ADGRD2: variants seen among roughly 807,000 people sequenced by gnomAD.
ADGRD2 encodes the protein adhesion G protein-coupled receptor D2.
ADGRD2 carries 71 observed loss-of-function variants against 44.4 expected under a neutral mutation model. The ratio of observed to expected loss-of-function variants is 1.60; its 90% CI spans 1.32 to 1.95. The LOEUF (loss-of-function observed/expected upper bound fraction) is 1.95, where lower values mean the gene tolerates loss of function less well. ADGRD2 is among the 30% of genes most tolerant of loss of function. ADGRD2 has a pLI of 0.00. For synonymous variants in ADGRD2, 481 were observed against 224.8 expected, an observed-to-expected ratio of 2.14 and a Z score of -10.19; for missense variants, 1,039 against 512.4, an observed-to-expected ratio of 2.03 and a Z score of -9.92.
intron 9 of ADGRD2, 144 bp from the exon 13 acceptor site, chr9:124,458,471 CA>C (rs1170738892): frequency 1.6e-6 from 1 of 626,686 alleles, no homozygotes; most frequent in Non-Finnish European, 2.9e-6. Flanking sequence ...GTCCCTAAGG[CA>C]AGACTGAACC....
At chr9:124,470,638 G>T in intron 17 of ADGRD2, 24 bp downstream of exon 20, 1 of 697,102 alleles carries the variant, frequency 1.4e-6, no homozygotes, top group South Asian at 1.5e-5. Flanking sequence ...CAACCTTCTG[G>T]GACTAGGCCC....
rs576598409 is a variant in ADGRD2, at chr9:124,477,071, C to T, written c.*18+362C>T. The stretch of plus-strand genomic sequence containing the variant: ...CTTTCTGCCCCCTAAGCCCAGCACC[C>T]CCCGTCACCCTCTGAAGGCCCCGGC... On this transcript the variant is annotated intron_variant, in intron 21 of 21. Transcript: ENST00000334810. The T allele has an allele frequency of 1.5e-5, 8 of 536,866 alleles. 1 individual carries two copies. Among genetic ancestry groups the T allele is most frequent in the African/African-American group, 7.6e-5 (4 of 52,700 alleles). The allele number at this position is 536,866 out of a possible 1,614,324, so 33.3% of individuals were successfully genotyped here.
rs760758381 is a variant in ADGRD2 at position 124,454,955 on chromosome 9, C to T, written c.1223C>T (p.Pro408Leu). 2.5e-5 allele frequency: 18 copies of T among 717,776 alleles called. No homozygotes were observed. Among genetic ancestry groups the T allele is most frequent in the Admixed American group, 4.0e-5 (2 of 50,008 alleles). The allele number at this position is 717,776 out of a possible 1,614,324, so 44.5% of individuals were successfully genotyped here. ...GCGATGGAGATGGCTCCCCTGGGGCCGGCCGCACTGCTGGCTGTTGTCCGC... is the reference window on the plus strand; with the variant it reads ...GCGATGGAGATGGCTCCCCTGGGGCTGGCCGCACTGCTGGCTGTTGTCCGC... Residue 408 changes from proline to leucine, a missense_variant, in exon 6 of 22, where the codon CCG (proline) becomes CTG (leucine). Pro to Leu is a moderately conservative substitution (Grantham distance 98). Transcript: ENST00000334810. This position sits in a 1 kb window ranked among gnomAD's most constrained non-coding sequence, Gnocchi z 4.5.
At chr9:124,456,488 T>C (rs1831619025) in intron 6 of ADGRD2, 134 bp from the exon 10 acceptor site, 1 of 623,856 alleles carries the variant, frequency 1.6e-6, no homozygotes, top group Non-Finnish European at 2.9e-6. Context: ...GATCCTAGAG[T>C]CCTTAAAGAG....
At chr9:124,477,777 G>A (rs1461558786) in intron 21 of ADGRD2, among the ~76,000 whole-genome samples, 1 of 151,374 alleles carries the variant, frequency 6.6e-6, no homozygotes, top group Non-Finnish European at 1.5e-5. Flanking sequence ...CCGCCCAGGC[G>A]CCCCCCGGGG....
intron 9 of ADGRD2, 53 bp from the exon 13 acceptor site, chr9:124,458,563 A>G (rs1831661787): frequency 4.2e-6 from 3 of 706,334 alleles, no homozygotes; most frequent in Non-Finnish European, 8.0e-6. Context: ...TGCCGCAGCC[A>G]GGCACCATCC....
chr9:124,464,814 GTGTGTGTA>G lies in ADGRD2; in HGVS notation c.1871-1438_1871-1431del, dbSNP rs1831785546. ...TCCCACACATGCTGTGTGTGTACGT[GTGTGTGTA>G]TGTGTTTTCACAAGTATGCAGACCT... On this transcript the variant is annotated intron_variant, in intron 10 of 21. Coordinates refer to ENST00000334810, the Ensembl canonical transcript of ADGRD2. 1.2e-4 allele frequency among the ~76,000 whole-genome samples: 18 copies of G among 152,006 alleles called. No homozygotes were observed. In the East Asian group the frequency reaches 3.3e-3, roughly 28 times the overall value.
chr9:124,454,452 CG>C lies in ADGRD2; in HGVS notation c.1023-28del. 1.4e-6 allele frequency: 1 copy of C among 698,376 alleles called. No individual in the cohort carries two copies. Among genetic ancestry groups the C allele is most frequent in the Non-Finnish European group, 2.7e-6 (1 of 369,752 alleles). The allele number at this position is 698,376 out of a possible 1,614,324, so 43.3% of individuals were successfully genotyped here. A position where few individuals can be genotyped will look rare whatever the true frequency, so the allele number is the denominator to read the frequency against. ...GGCATCTCTGGGCAGGGGTATTGCC[CG>C]GGGCCTAGCCTGGCATCCACTCCTT... On this transcript the variant is annotated intron_variant, in intron 4 of 21. Transcript: ENST00000334810. This position sits in a 1 kb window ranked among gnomAD's most constrained non-coding sequence, Gnocchi z 4.5.
At position 124,453,398 on chromosome 9, in the gene ADGRD2, C is replaced by CT. The variant is rs1347446719; in HGVS notation, c.645_646insT (p.Arg217AlafsTer108). ...TCCGATGGGAGGCGGCGCGCTGGGG[C>CT]GCGGGGGCTGGGCGCCGGCCACCCG... On this transcript the variant is annotated frameshift_variant, in exon 3 of 22. Transcript: ENST00000334810. LOFTEE classifies it high-confidence loss of function. The CT allele has an allele frequency of 6.8e-6, 4 of 590,330 alleles. No homozygotes were observed. Among genetic ancestry groups the CT allele is most frequent in the Non-Finnish European group, 1.2e-5 (4 of 337,976 alleles). 36.6% of individuals were successfully genotyped at this position (590,330 alleles called of 1,614,324 possible).
intron 21 of ADGRD2, 97 bp downstream of exon 24, chr9:124,476,806 C>A (rs1302683288): frequency 3.0e-6 from 2 of 670,292 alleles, no homozygotes; most frequent in Non-Finnish European, 5.5e-6. Flanking sequence ...CAAATTAATA[C>A]GCCCAACCTC....
intron 10 of ADGRD2, among the ~76,000 whole-genome samples, chr9:124,463,912 A>G (rs921697136): frequency 6.6e-6 from 1 of 152,100 alleles, no homozygotes; most frequent in African/African-American, 2.4e-5. Flanking sequence ...ATCACAGCTC[A>G]CTGCGGCCTC....
At chr9:124,467,582 A>C in intron 11 of ADGRD2, 139 bp from the exon 15 acceptor site, 1 of 629,404 alleles carries the variant, frequency 1.6e-6, no homozygotes, top group Non-Finnish European at 2.9e-6. Flanking sequence ...TACTGTGTGC[A>C]GGCCTGGGTC....
exon 9 of ADGRD2, chr9:124,458,232 C>A (rs1220748788): frequency 4.3e-5 from 31 of 718,360 alleles, no homozygotes; most frequent in Middle Eastern, 2.3e-4. Flanking sequence ...AAACAGGGTG[C>A]AGAGGTGAGT....
chr9:124,451,179 G>A, upstream of ADGRD2: 1 of 472,274 alleles, frequency 2.1e-6, no homozygotes. Context: ...AAAGGTGGCT[G>A]CACGGAGCAG....
intron 17 of ADGRD2, 120 bp from the exon 21 acceptor site, chr9:124,475,326 C>T (rs1257772646): frequency 3.0e-5 from 18 of 606,966 alleles, no homozygotes; most frequent in Non-Finnish European, 4.8e-5. Flanking sequence ...ATCAGCCTGT[C>T]TCTGGGTATC....
chr9:124,453,682 A>ACC lies in ADGRD2; in HGVS notation c.923+8_923+9dup. ...GGTGCGCCTTCTCTGTCCCGGTACG[A>ACC]CCCGCCCCGCCCCGGCCCCACCCCA... is the stretch of plus-strand genomic sequence containing the variant. On this transcript the variant is annotated splice_region_variant and intron_variant, in intron 3 of 21. Coordinates refer to ENST00000334810, the Ensembl canonical transcript of ADGRD2. The ACC allele has an allele frequency of 5.8e-6, 4 of 690,450 alleles. No individual in the cohort carries two copies. The highest frequency in any genetic ancestry group is 3.0e-5 in the South Asian group (2 of 66,536). 42.8% of individuals were successfully genotyped at this position (690,450 alleles called of 1,614,324 possible). A position where few individuals can be genotyped will look rare whatever the true frequency, so the allele number is the denominator to read the frequency against.
chr9:124,474,256 T>G (rs12336391), intron 17 of ADGRD2, among the ~76,000 whole-genome samples: 8,356 of 100,708 alleles, frequency 0.083, 734 homozygotes, highest in African/African-American at 0.25. Context: ...GCCTGGGCAA[T>G]AAGAGTGAAA....
exon 3 of ADGRD2, chr9:124,453,058 G>C (rs1166631523): frequency 1.5e-6 from 1 of 676,376 alleles, no homozygotes; most frequent in Admixed American, 2.3e-5. Flanking sequence ...CGCCGTGCTG[G>C]TGTTCGACGA....
intron 10 of ADGRD2, among the ~76,000 whole-genome samples, chr9:124,463,362 T>C (rs563895894): frequency 6.6e-6 from 1 of 152,360 alleles, no homozygotes; most frequent in Admixed American, 6.5e-5. Flanking sequence ...TTATCTTTTA[T>C]ATATATTGCT....
Sources: allele counts gnomAD v4.1 joint callset (sites outside exome capture counted in the v4.1 genomes callset), GRCh38; gene constraint gnomAD v4.1.1; non-coding constraint Gnocchi (gnomAD v3.1); transcripts MANE v1.5; gene names NCBI Gene and HGNC (gene_info 2026-07-23, HGNC 2026-07-21).